Variants in LRRTM4 observed in about 807,000 individuals in gnomAD.
The protein encoded by LRRTM4 is leucine-rich repeat transmembrane neuronal protein 4.
In LRRTM4, 25 loss-of-function variants were observed where a neutral mutation model predicts 47.6. The observed-to-expected ratio is 0.53, with a 90% CI of 0.38 to 0.73. The LOEUF is 0.73. Among genes scored for constraint, LRRTM4 ranks in the 30% least tolerant of loss-of-function variants. The pLI, the probability that LRRTM4 is intolerant of heterozygous loss-of-function variation, is 0.00. For missense variants in LRRTM4, 638 were observed against 713.4 expected (o/e 0.89, Z 1.20); for synonymous variants, 311 against 269.5 (o/e 1.15, Z -1.51).
At chr2:77,202,821 C>A (rs1674014307) in intron 3 of LRRTM4, among the ~76,000 whole-genome samples, 1 of 151,812 alleles carries the variant, frequency 6.6e-6, no homozygotes, top group Non-Finnish European at 1.5e-5. Context: ...GATTAGTTAC[C>A]AGTTCTTCAA....
chr2:77,098,338 C>T (rs1294175377), intron 3 of LRRTM4, among the ~76,000 whole-genome samples: 4 of 151,736 alleles, frequency 2.6e-5, no homozygotes, highest in East Asian at 1.9e-4. Context: ...AACTGATAGT[C>T]GATAAAAATA....
intron 3 of LRRTM4, among the ~76,000 whole-genome samples, chr2:77,152,493 T>C (rs990076528): frequency 6.6e-6 from 1 of 152,026 alleles, no homozygotes; most frequent in East Asian, 1.9e-4. Flanking sequence ...CACGCCGGGC[T>C]AATTTTTTGT....
At chr2:77,302,598 G>A (rs915892955) in intron 3 of LRRTM4, among the ~76,000 whole-genome samples, 2 of 152,218 alleles carry the variant, frequency 1.3e-5, no homozygotes, top group Non-Finnish European at 1.5e-5. Context: ...GGTAATTTCA[G>A]TAAATACTTG....
chr2:76,902,148 C>G (rs1297374617), intron 3 of LRRTM4, among the ~76,000 whole-genome samples: 1 of 152,106 alleles, frequency 6.6e-6, no homozygotes, highest in Non-Finnish European at 1.5e-5. Context: ...GCCCACTTAA[C>G]TATATCTATT....
At chr2:77,417,985 A>G (rs998384617) in intron 3 of LRRTM4, among the ~76,000 whole-genome samples, 1 of 152,182 alleles carries the variant, frequency 6.6e-6, no homozygotes, top group African/African-American at 2.4e-5. Context: ...AGGACTAAAG[A>G]GAGAACAAAA....
At chr2:76,794,523 A>G (rs140892770) in intron 3 of LRRTM4, among the ~76,000 whole-genome samples, 278 of 151,920 alleles carry the variant, frequency 1.8e-3, no homozygotes, top group Admixed American at 3.6e-3. Context: ...CACCTCTTCT[A>G]TATTCTATCT....
chr2:76,817,592 A>G (rs1670937413), intron 3 of LRRTM4, among the ~76,000 whole-genome samples: 1 of 152,020 alleles, frequency 6.6e-6, no homozygotes, highest in Non-Finnish European at 1.5e-5. Flanking sequence ...GTGAGATTGC[A>G]TTCTGTAATT....
In LRRTM4 at chr2:76,939,422, T is replaced by A. The variant is rs552433708; in HGVS notation, c.1552-190506A>T. 2.0e-5 allele frequency among the ~76,000 whole-genome samples: 3 copies of A among 152,216 alleles called. No individual in the cohort carries two copies. In the South Asian group the frequency reaches 6.2e-4, roughly 32 times the overall value. ...TAAAAGCATGTCTGCTCTTTAAGAA[T>A]TGAAAAATTACACAGATTTTTTTGT... On this transcript the variant is annotated intron_variant, in intron 3 of 3. Transcript: ENST00000409884.
At chr2:77,437,156 G>A (rs1675633065) in intron 3 of LRRTM4, among the ~76,000 whole-genome samples, 1 of 151,930 alleles carries the variant, frequency 6.6e-6, no homozygotes, top group Non-Finnish European at 1.5e-5. Flanking sequence ...TTTCTAGTTA[G>A]CTAAATTTGA....
At chr2:77,068,122 TAG>T (rs1468012497) in intron 3 of LRRTM4, among the ~76,000 whole-genome samples, 1 of 152,128 alleles carries the variant, frequency 6.6e-6, no homozygotes, top group African/African-American at 2.4e-5. Flanking sequence ...TTCATAAATA[TAG>T]AGACTGGTTT....
intron 3 of LRRTM4, among the ~76,000 whole-genome samples, chr2:76,950,364 C>A (rs375256488): frequency 1.3e-5 from 2 of 151,938 alleles, no homozygotes; most frequent in African/African-American, 4.8e-5. Context: ...TACACTATAA[C>A]CTCACTCACA....
At chr2:76,811,483 C>T (rs929325068) in intron 3 of LRRTM4, among the ~76,000 whole-genome samples, 1 of 152,140 alleles carries the variant, frequency 6.6e-6, no homozygotes, top group African/African-American at 2.4e-5. Flanking sequence ...AGGTGGCAGC[C>T]AGACCATCGC....
intron 3 of LRRTM4, among the ~76,000 whole-genome samples, chr2:77,449,074 C>A (rs1273413884): frequency 6.6e-6 from 1 of 152,088 alleles, no homozygotes; most frequent in Admixed American, 6.6e-5. Flanking sequence ...CTAAAAACAT[C>A]AATTAATCTT....
chr2:76,979,703 T>C (rs1220548365), intron 3 of LRRTM4, among the ~76,000 whole-genome samples: 1 of 142,876 alleles, frequency 7.0e-6, no homozygotes. Flanking sequence ...AAGCGATAGA[T>C]AGATAGATAG....
At chr2:77,038,493 A>G (rs1350533865) in intron 3 of LRRTM4, among the ~76,000 whole-genome samples, 3 of 151,534 alleles carry the variant, frequency 2.0e-5, no homozygotes, top group Non-Finnish European at 4.4e-5. Flanking sequence ...CTATGAAGTA[A>G]TATTTTAGCA....
intron 3 of LRRTM4, among the ~76,000 whole-genome samples, chr2:77,510,345 G>A (rs1409696948): frequency 6.6e-6 from 1 of 152,070 alleles, no homozygotes; most frequent in Non-Finnish European, 1.5e-5. Context: ...TCTTCAGGAA[G>A]GAGGGAAGAA....
chr2:76,844,356 C>T (rs1326337708), intron 3 of LRRTM4, among the ~76,000 whole-genome samples: 1 of 152,114 alleles, frequency 6.6e-6, no homozygotes, highest in Non-Finnish European at 1.5e-5. Context: ...AGGATGGTCT[C>T]AATCTCCTGA....
chr2:77,474,476 T>C (rs940019082), intron 3 of LRRTM4, among the ~76,000 whole-genome samples: 2 of 152,000 alleles, frequency 1.3e-5, no homozygotes, highest in Admixed American at 6.6e-5. Context: ...GAAACTTCTA[T>C]AGAGGTGGTT....
chr2:76,983,656 G>C (rs1676690918), intron 3 of LRRTM4, among the ~76,000 whole-genome samples: 1 of 152,080 alleles, frequency 6.6e-6, no homozygotes, highest in South Asian at 2.1e-4. Flanking sequence ...GACTTATACA[G>C]TAATTATAGT....
Sources: gnomAD v4.1 joint callset for allele counts (sites outside exome capture counted in the v4.1 genomes callset) on GRCh38, gnomAD v4.1.1 for gene constraint, MANE v1.5 for transcripts, NCBI Gene and HGNC (gene_info 2026-07-23, HGNC 2026-07-21) for gene names.